KCNQ5: variants seen among roughly 807,000 people sequenced by gnomAD.
KCNQ5 encodes potassium voltage-gated channel subfamily KQT member 5.
Under a neutral mutation model 98.2 loss-of-function variants are expected in KCNQ5, and 30 were observed. That is an observed-to-expected ratio of 0.31 (90% CI 0.23 to 0.41). KCNQ5 has a LOEUF of 0.41. Ranked by LOEUF, KCNQ5 falls within the 10% of genes least tolerant of loss-of-function variation. KCNQ5 has a pLI of 1.00. For missense variants in KCNQ5, 835 were observed against 1,182.5 expected, an observed-to-expected ratio of 0.71 and a Z score of 4.31; for synonymous variants, 458 against 449.4, an observed-to-expected ratio of 1.02 and a Z score of -0.24.
At chr6:72,721,171 T>C (rs559690420) in intron 1 of KCNQ5, among the ~76,000 whole-genome samples, 72 of 152,324 alleles carry the variant, frequency 4.7e-4, no homozygotes, top group African/African-American at 1.6e-3. Flanking sequence ...CTGTGAGGAT[T>C]TTAAAAATTA....
At chr6:72,649,864 C>T (rs1240238254) in intron 1 of KCNQ5, among the ~76,000 whole-genome samples, 1 of 152,084 alleles carries the variant, frequency 6.6e-6, no homozygotes, top group Non-Finnish European at 1.5e-5. Flanking sequence ...ACATTTTATT[C>T]ACCTGGTGGC....
intron 2 of KCNQ5, among the ~76,000 whole-genome samples, chr6:73,006,098 A>G (rs1182813776): frequency 2.0e-5 from 3 of 152,224 alleles, no homozygotes; most frequent in African/African-American, 7.2e-5. Context: ...AACATAGTAT[A>G]TTATAAAAGT....
At chr6:72,856,527 C>T (rs918181212) in intron 1 of KCNQ5, among the ~76,000 whole-genome samples, 19 of 151,790 alleles carry the variant, frequency 1.3e-4, no homozygotes, top group African/African-American at 4.1e-4. Flanking sequence ...TGCTTTCCAG[C>T]AGGGTAGACA....
At chr6:73,048,463 C>G (rs10455090) in intron 3 of KCNQ5, among the ~76,000 whole-genome samples, 148,166 of 152,294 alleles carry the variant, frequency 0.97, 72,188 homozygotes, top group Middle Eastern at 1. Flanking sequence ...GGCCATGTAG[C>G]CTCTGCTACC....
intron 1 of KCNQ5, among the ~76,000 whole-genome samples, chr6:72,965,445 GTGACT>G (rs1717459989): frequency 6.6e-6 from 1 of 152,222 alleles, no homozygotes; most frequent in South Asian, 2.1e-4. Flanking sequence ...AGTGTTTGTA[GTGACT>G]TTACAGAACA....
chr6:72,877,221 AC>A (rs1233672960), intron 1 of KCNQ5, among the ~76,000 whole-genome samples: 2 of 149,762 alleles, frequency 1.3e-5, no homozygotes, highest in South Asian at 2.1e-4. Context: ...CCTTGCCCCG[AC>A]CCCCCCGACA....
At chr6:72,672,788 T>G (rs1767198717) in intron 1 of KCNQ5, among the ~76,000 whole-genome samples, 1 of 152,180 alleles carries the variant, frequency 6.6e-6, no homozygotes. Flanking sequence ...TTTCTAATAT[T>G]TATCACTTTC....
chr6:72,799,303 C>T (rs1277991776), intron 1 of KCNQ5, among the ~76,000 whole-genome samples: 1 of 152,160 alleles, frequency 6.6e-6, no homozygotes, highest in East Asian at 1.9e-4. Flanking sequence ...CCCATCCACC[C>T]TGTCAAGGTA....
At chr6:72,768,197 G>T (rs1011490965) in intron 1 of KCNQ5, among the ~76,000 whole-genome samples, 1 of 151,988 alleles carries the variant, frequency 6.6e-6, no homozygotes, top group African/African-American at 2.4e-5. Context: ...AAAGGTACAG[G>T]ATTTCTTTTA....
intron 1 of KCNQ5, among the ~76,000 whole-genome samples, chr6:72,695,460 C>T (rs1768439388): frequency 6.6e-6 from 1 of 152,068 alleles, no homozygotes; most frequent in Non-Finnish European, 1.5e-5. Context: ...TTTCTTACAA[C>T]AAAACAAAGC....
intron 10 of KCNQ5, among the ~76,000 whole-genome samples, chr6:73,156,722 G>C (rs1180557884): frequency 6.6e-6 from 1 of 152,146 alleles, no homozygotes; most frequent in Non-Finnish European, 1.5e-5. Context: ...TTTTTTATGC[G>C]ATGCATAAAT....
chr6:72,984,868 A>G (rs768768426), intron 1 of KCNQ5, among the ~76,000 whole-genome samples: 2 of 152,170 alleles, frequency 1.3e-5, no homozygotes, highest in Non-Finnish European at 2.9e-5. Context: ...ATTTTTTTTA[A>G]TAACAGTAAA....
intron 1 of KCNQ5, among the ~76,000 whole-genome samples, chr6:72,898,528 G>A (rs985475457): frequency 1.3e-5 from 2 of 152,160 alleles, no homozygotes; most frequent in Admixed American, 6.5e-5. Context: ...TGGCTGCATA[G>A]TATTCCATGG....
intron 1 of KCNQ5, among the ~76,000 whole-genome samples, chr6:72,909,745 CA>C (rs1414153178): frequency 6.6e-6 from 1 of 152,118 alleles, no homozygotes; most frequent in Non-Finnish European, 1.5e-5. Flanking sequence ...AGACAGAATT[CA>C]AAGCAGATAC....
chr6:72,689,879 T>C (rs1365592122), intron 1 of KCNQ5, among the ~76,000 whole-genome samples: 1 of 152,152 alleles, frequency 6.6e-6, no homozygotes, highest in Non-Finnish European at 1.5e-5. Context: ...AACTGATTTT[T>C]CTTCTGTTTC....
intron 1 of KCNQ5, among the ~76,000 whole-genome samples, chr6:72,824,996 A>C (rs1261574742): frequency 6.6e-6 from 1 of 152,080 alleles, no homozygotes; most frequent in Non-Finnish European, 1.5e-5. Context: ...CAGGAGAGAC[A>C]GTAATCTTCC....
chr6:73,067,187 A>G (rs1562158655), intron 3 of KCNQ5, among the ~76,000 whole-genome samples: 1 of 152,142 alleles, frequency 6.6e-6, no homozygotes, highest in Non-Finnish European at 1.5e-5. Context: ...GCTTTCTATG[A>G]CATAAAAGCT....
Position 72,903,813 on chromosome 6 carries a change from G to A in KCNQ5, c.399-100095G>A, listed in dbSNP as rs111651631. Among the ~76,000 whole-genome samples the A allele has an allele frequency of 1.9e-3, 293 of 152,214 alleles. 2 individuals carry two copies. The highest frequency in any genetic ancestry group is 6.5e-3 in the African/African-American group (272 of 41,542). On this transcript the variant is annotated intron_variant, in intron 1 of 13. Transcript: ENST00000370398. ...ATAGAATGTGTATTCTGCAGTTGTT[G>A]GATGGAATGTTCTGTATATATCTGT...
At chr6:72,745,382 C>T (rs1223462088) in intron 1 of KCNQ5, among the ~76,000 whole-genome samples, 1 of 152,172 alleles carries the variant, frequency 6.6e-6, no homozygotes, top group Non-Finnish European at 1.5e-5. Flanking sequence ...TAAGTGAGCA[C>T]ACATGTAACT....
Sources: allele counts gnomAD v4.1 joint callset (sites outside exome capture counted in the v4.1 genomes callset), GRCh38; gene constraint gnomAD v4.1.1; transcripts MANE v1.5; gene names NCBI Gene and HGNC (gene_info 2026-07-23, HGNC 2026-07-21).